Variants in ANKRD30B observed in about 807,000 individuals in gnomAD.
ANKRD30B encodes the protein ankyrin repeat domain 30B, also known as ankyrin repeat domain-containing protein 30B.
In ANKRD30B, 144 loss-of-function variants were observed where a neutral mutation model predicts 202.2. That is an observed-to-expected ratio of 0.71 (90% CI 0.62 to 0.82). ANKRD30B has a LOEUF of 0.82. Among genes scored for constraint, ANKRD30B ranks in the 40% least tolerant of loss-of-function variants. ANKRD30B has a pLI of 0.00. For synonymous variants in ANKRD30B, 508 were observed against 561.3 expected, an observed-to-expected ratio of 0.91 and a Z score of 1.34; for missense variants, 1,487 against 1,669.1, an observed-to-expected ratio of 0.89 and a Z score of 1.90.
At chr18:14,874,123 T>C in the ANKRD30B span, among the ~76,000 whole-genome samples, 2 of 152,212 alleles carry the variant, frequency 1.3e-5, no homozygotes, top group Non-Finnish European at 2.9e-5. Flanking sequence ...AGTGAGTTAA[T>C]GCATGGGAAG....
At chr18:14,835,798 G>A (rs561694067) in intron 34 of ANKRD30B, among the ~76,000 whole-genome samples, 3 of 151,916 alleles carry the variant, frequency 2.0e-5, no homozygotes, top group South Asian at 2.1e-4. Context: ...TCACTTTATA[G>A]TAGTACTTAA....
the ANKRD30B span, among the ~76,000 whole-genome samples, chr18:14,882,447 G>A: frequency 3.3e-5 from 5 of 152,082 alleles, no homozygotes; most frequent in East Asian, 1.9e-4. Flanking sequence ...TTTCAGTTTT[G>A]TTCCACTGTG....
At chr18:14,940,530 A>G in the ANKRD30B span, among the ~76,000 whole-genome samples, 1 of 152,226 alleles carries the variant, frequency 6.6e-6, no homozygotes, top group African/African-American at 2.4e-5. Flanking sequence ...GTGTTATTTT[A>G]TTTATGGCTT....
chr18:14,851,707 A>T lies in ANKRD30B; in HGVS notation c.3763A>T (p.Thr1255Ser). Residue 1255 changes from threonine to serine, a missense_variant, in exon 42 of 44, where the codon ACA becomes TCA. Physicochemically the swap from Thr to Ser is moderately conservative, Grantham distance 58 (BLOSUM62 1). Around this residue, in one of 6 missense-constraint regions of ANKRD30B, gnomAD observed 177 missense variants for 216.4 expected, o/e 0.82. Coordinates refer to ENST00000690538, the MANE Select transcript of ANKRD30B (RefSeq NM_001367607.2). The stretch of plus-strand genomic sequence containing the variant: ...AATGACCCTAAAACTGAAACAGAAA[A>T]CAGTAACAAAAAGGGCATCTCAGTA... ...LQMTLKLKQK[T>S]VTKRASQYRE... 1 of 1,611,032 alleles carries T rather than the reference A, an allele frequency of 6.2e-7. No homozygotes were observed.
chr18:14,938,846 A>G, the ANKRD30B span, among the ~76,000 whole-genome samples: 1 of 152,202 alleles, frequency 6.6e-6, no homozygotes, highest in African/African-American at 2.4e-5. Context: ...AACTTGGATC[A>G]GACAAAAAAG....
the ANKRD30B span, among the ~76,000 whole-genome samples, chr18:14,909,365 A>G: frequency 3.3e-5 from 5 of 152,134 alleles, no homozygotes; most frequent in Non-Finnish European, 7.4e-5. Context: ...ACTGCTGAAC[A>G]GTCAATATTG....
the ANKRD30B span, among the ~76,000 whole-genome samples, chr18:14,903,327 G>A: frequency 6.6e-6 from 1 of 152,208 alleles, no homozygotes; most frequent in Admixed American, 6.5e-5. Flanking sequence ...TTCCAATGGG[G>A]CCCAGATACT....
rs772942171 is a variant in ANKRD30B at position 14,851,513 on chromosome 18, C to A, written c.3569C>A (p.Ser1190Tyr). 1.3e-6 allele frequency: 2 copies of A among 1,524,002 alleles called. No individual in the cohort carries two copies. Among genetic ancestry groups the A allele is most frequent in the Non-Finnish European group, 1.8e-6 (2 of 1,139,378 alleles). 94.4% of individuals were successfully genotyped at this position (1,524,002 alleles called of 1,614,324 possible). ...KSVTSNLNQV[S>Y]HTHESENDLF... ...TTTTTATTTTGTTTTATTTAGGTTT[C>A]TCACACTCATGAAAGTGAAAATGAT... The change falls in exon 42 of 44, where the codon TCT becomes TAT. Residue 1190 changes from serine (S) to tyrosine (Y), a missense_variant. Ser to Tyr is a moderately radical substitution (Grantham distance 144). This residue lies in a region of ANKRD30B where 177 missense variants were observed against 216.4 expected (regional missense o/e 0.82). Coordinates refer to ENST00000690538, the MANE Select transcript of ANKRD30B (RefSeq NM_001367607.2).
the ANKRD30B span, among the ~76,000 whole-genome samples, chr18:14,885,962 G>T: frequency 6.6e-6 from 1 of 152,000 alleles, no homozygotes; most frequent in Non-Finnish European, 1.5e-5. Flanking sequence ...GGCTTACTCT[G>T]TTTATATGTA....
At chr18:14,881,171 A>G in the ANKRD30B span, among the ~76,000 whole-genome samples, 8 of 152,164 alleles carry the variant, frequency 5.3e-5, no homozygotes, top group Non-Finnish European at 8.8e-5. Flanking sequence ...CCAGTTCTCA[A>G]AGGGAATGCT....
intron 39 of ANKRD30B, among the ~76,000 whole-genome samples, chr18:14,845,439 T>A (rs1323570611): frequency 1.7e-4 from 26 of 151,950 alleles, no homozygotes; most frequent in Non-Finnish European, 3.2e-4. Context: ...GTCTAAGTTG[T>A]CATGTTTATT....
At position 14,784,464 on chromosome 18, in the gene ANKRD30B, C is replaced by T. The variant is rs1967949337; in HGVS notation, c.1601C>T (p.Pro534Leu). 5.0e-6 allele frequency: 8 copies of T among 1,613,144 alleles called. No homozygotes were observed. In the South Asian group the frequency reaches 7.7e-5, roughly 16 times the overall value. The change falls in exon 14 of 44, where the codon CCT becomes CTT. Residue 534 changes from proline (P) to leucine (L), a missense_variant and splice_region_variant. Pro to Leu is a moderately conservative substitution (Grantham distance 98). Transcript: ENST00000690538. ...ELPEKPSAFK[P>L]AVEMQKTVPN... ...CATTTTTCTTCCAAACCCATTTAGCCTGCCGTTGAAATGCAAAAGACTGTT... is the reference window on the plus strand; with the variant it reads ...CATTTTTCTTCCAAACCCATTTAGCTTGCCGTTGAAATGCAAAAGACTGTT...
At chr18:14,872,329 C>G in the ANKRD30B span, among the ~76,000 whole-genome samples, 2 of 152,194 alleles carry the variant, frequency 1.3e-5, no homozygotes, top group Non-Finnish European at 2.9e-5. Flanking sequence ...TTCTTTGCCC[C>G]TAAACTGTGG....
chr18:14,818,681 G>C (rs1970248666), intron 30 of ANKRD30B, among the ~76,000 whole-genome samples: 1 of 151,874 alleles, frequency 6.6e-6, no homozygotes, highest in South Asian at 2.1e-4. Flanking sequence ...TCCCTACAAA[G>C]GACATGAACT....
chr18:14,893,970 G>A, the ANKRD30B span, among the ~76,000 whole-genome samples: 3 of 151,174 alleles, frequency 2.0e-5, no homozygotes, highest in Admixed American at 2.0e-4. Flanking sequence ...AAATAAAAGA[G>A]AGAGAGAGAA....
the ANKRD30B span, among the ~76,000 whole-genome samples, chr18:14,876,641 G>T: frequency 6.6e-6 from 1 of 152,276 alleles, no homozygotes; most frequent in East Asian, 1.9e-4. Context: ...GCTTTTAAAG[G>T]CATGAGCTTG....
chr18:14,873,004 A>G, the ANKRD30B span, among the ~76,000 whole-genome samples: 2 of 152,134 alleles, frequency 1.3e-5, no homozygotes, highest in Non-Finnish European at 2.9e-5. Flanking sequence ...TGCCACATGG[A>G]GAGTGAAACC....
the ANKRD30B span, among the ~76,000 whole-genome samples, chr18:14,934,141 T>C: frequency 4.6e-5 from 7 of 152,244 alleles, no homozygotes; most frequent in Admixed American, 3.9e-4. Context: ...CCCCAGGCCC[T>C]GGAGCAGGTC....
chr18:14,781,386 C>T (rs1370002292), intron 11 of ANKRD30B, among the ~76,000 whole-genome samples: 1 of 146,854 alleles, frequency 6.8e-6, no homozygotes, highest in Non-Finnish European at 1.5e-5. Context: ...GTTCTGCCTC[C>T]TGGGTTCACG....
Sources: gnomAD v4.1 joint callset for allele counts (sites outside exome capture counted in the v4.1 genomes callset) on GRCh38, gnomAD v4.1.1 for gene constraint, gnomAD v4.1.1 regional missense constraint, MANE v1.5 for transcripts, NCBI Gene and HGNC (gene_info 2026-07-23, HGNC 2026-07-21) for gene names.